LYAR: variants seen among roughly 807,000 people sequenced by gnomAD.
The protein encoded by LYAR is Ly1 antibody reactive.
In LYAR, 37 loss-of-function variants were observed where a neutral mutation model predicts 45.2. The ratio of observed to expected loss-of-function variants is 0.82; its 90% confidence interval spans 0.63 to 1.08. LYAR has a LOEUF of 1.08. Ranked by LOEUF, LYAR falls within the 50% of genes least tolerant of loss-of-function variation. The probability of loss-of-function intolerance (pLI) is 0.00; values close to 1 mark genes in which losing one functional copy is unlikely to be tolerated. For missense variants in LYAR, 493 were observed against 451.0 expected (o/e 1.09, Z -0.84); for synonymous variants, 176 against 155.1 (o/e 1.14, Z -1.00).
At chr4:4,287,659 G>C (rs1429454172) in intron 1 of LYAR, among the ~76,000 whole-genome samples, 3 of 152,206 alleles carry the variant, frequency 2.0e-5, no homozygotes, top group African/African-American at 7.2e-5. Flanking sequence ...GTAAGTGGCA[G>C]AGGTGGCCTG....
chr4:4,279,837 C>T lies in LYAR; in HGVS notation c.238-88G>A. 6.2e-6 allele frequency: 5 copies of T among 809,092 alleles called. No homozygotes were observed. The South Asian group carries it at 8.0e-5, about 13-fold the overall frequency. 50.1% of individuals were successfully genotyped at this position (809,092 alleles called of 1,614,324 possible). A position where few individuals can be genotyped will look rare whatever the true frequency, so the allele number is the denominator to read the frequency against. ...CCAATTGAAAAAGTCCTTGCCATGGCTAAAGCGTTCACGTTTTAAGCCCAG... is the reference window on the plus strand; with the variant it reads ...CCAATTGAAAAAGTCCTTGCCATGGTTAAAGCGTTCACGTTTTAAGCCCAG... On this transcript the variant is annotated intron_variant, in intron 4 of 9. Coordinates refer to ENST00000343470, the MANE Select transcript of LYAR (RefSeq NM_017816.3).
chr4:4,279,375 A>G (rs1053339850), intron 6 of LYAR, 72 bp downstream of exon 6: 1 of 1,071,966 alleles, frequency 9.3e-7, no homozygotes, highest in South Asian at 1.4e-5. Context: ...ACTTCCAAAA[A>G]TAAGAAATTC....
intron 2 of LYAR, among the ~76,000 whole-genome samples, chr4:4,285,121 G>C (rs1442114113): frequency 2.0e-5 from 3 of 152,148 alleles, no homozygotes; most frequent in Non-Finnish European, 4.4e-5. Flanking sequence ...CTTGCCCTGT[G>C]GGACACTATC....
At chr4:4,289,014 G>C (rs780429716) in intron 1 of LYAR, among the ~76,000 whole-genome samples, 5 of 152,090 alleles carry the variant, frequency 3.3e-5, no homozygotes, top group Admixed American at 6.5e-5. Context: ...CCCTTCCACG[G>C]GTAGCATTCT....
chr4:4,274,558 T>A lies in LYAR; in HGVS notation c.641A>T (p.Asn214Ile). 3 of 1,613,896 alleles carry A rather than the reference T, an allele frequency of 1.9e-6. No homozygotes were observed. Among genetic ancestry groups the A allele is most frequent in the Non-Finnish European group, 2.5e-6 (3 of 1,179,996 alleles). Residue 214 changes from asparagine to isoleucine, a missense_variant, in exon 7 of 10, where the codon AAC becomes ATC. Transcript: ENST00000343470. ...CTTCTTAGGCTTCTGATTCCTTGAG[T>A]TTTCCTGGTGGTTTTCTAACTTTAG... is the stretch of plus-strand genomic sequence containing the variant. ...KELKLENHQE[N>I]SRNQKPKKRK...
chr4:4,273,767 A>G, intron 7 of LYAR, 98 bp from the exon 8 acceptor site: 4 of 677,784 alleles, frequency 5.9e-6, no homozygotes, highest in Non-Finnish European at 7.7e-6. Flanking sequence ...AACTCCACGT[A>G]TCATCTCATT....
intron 2 of LYAR, among the ~76,000 whole-genome samples, chr4:4,284,790 T>C (rs572859222): frequency 1.3e-5 from 2 of 152,314 alleles, no homozygotes; most frequent in East Asian, 3.9e-4. Flanking sequence ...ACAGCAAAAA[T>C]ACTGAGAACT....
In LYAR at chr4:4,274,613, G is replaced by C. The variant is rs768597644; in HGVS notation, c.586C>G (p.Gln196Glu). The C allele has an allele frequency of 2.5e-6, 4 of 1,613,550 alleles. No homozygotes were observed. The African/African-American group carries it at 4.0e-5, about 16-fold the overall frequency. ...KNKRERKEER[Q>E]KKRKREKKEL... ...TTCTTTTCTCTTTTCCTTTTCTTCT[G>C]CCGTTCTTCCTTTCTTTCTCTTTTA... is the stretch of plus-strand genomic sequence containing the variant. Residue 196 changes from glutamine to glutamate, a missense_variant, in exon 7 of 10, where the codon CAG becomes GAG. Physicochemically the swap from Gln to Glu is conservative, Grantham distance 29. Transcript: ENST00000343470.
rs1560095390 is a variant in LYAR, at chr4:4,279,553, G to T, written c.346-23C>A. The T allele has an allele frequency of 6.3e-6, 10 of 1,584,654 alleles. No homozygotes were observed. The Admixed American group carries it at 8.4e-5, about 13-fold the overall frequency. ...ATTCTGTAAGAAAGAAAAAGAAAAA[G>T]AACTATTGATCCCACTTGGACAGGT... On this transcript the variant is annotated intron_variant, in intron 5 of 9. Coordinates refer to ENST00000343470, the MANE Select transcript of LYAR (RefSeq NM_017816.3).
chr4:4,283,757 C>G lies in LYAR; in HGVS notation c.-15G>C. On this transcript the variant is annotated 5_prime_UTR_variant, in exon 3 of 10. Transcript: ENST00000343470. ...AAAAATACCATTTTTAGGTAAATGGCTAAATATTCTCTATCCAAGACAGGT... is the reference window on the plus strand; with the variant it reads ...AAAAATACCATTTTTAGGTAAATGGGTAAATATTCTCTATCCAAGACAGGT... 6.2e-7 allele frequency: 1 copy of G among 1,602,118 alleles called. No individual in the cohort carries two copies.
At position 4,276,221 on chromosome 4, in the gene LYAR, C is replaced by T. The variant is rs186779106; in HGVS notation, c.430-1452G>A. On this transcript the variant is annotated intron_variant, in intron 6 of 9. Coordinates refer to ENST00000343470, the MANE Select transcript of LYAR (RefSeq NM_017816.3). ...ACCACTGAGCTGATGCACCTGCAGG[C>T]GGGGGTTCAAATTCCGTCTCTGTTA... is the stretch of plus-strand genomic sequence containing the variant. Among the ~76,000 whole-genome samples, 331 of 152,170 alleles carry T rather than the reference C, an allele frequency of 2.2e-3. 1 individual carries two copies. Among genetic ancestry groups the T allele is most frequent in the South Asian group, 0.021 (99 of 4,816 alleles).
chr4:4,284,249 T>C (rs769717598), intron 2 of LYAR, among the ~76,000 whole-genome samples: 1 of 152,196 alleles, frequency 6.6e-6, no homozygotes, highest in African/African-American at 2.4e-5. Context: ...TCTCTGTATA[T>C]GAAACTTATA....
At position 4,267,839 on chromosome 4, in the gene LYAR, TG is replaced by T. The variant is rs776627823; in HGVS notation, c.*49del. The T allele has an allele frequency of 1.4e-6, 2 of 1,461,588 alleles. No individual in the cohort carries two copies. The highest frequency in any genetic ancestry group is 1.8e-6 in the Non-Finnish European group (2 of 1,097,990). The allele number at this position is 1,461,588 out of a possible 1,614,324, so 90.5% of individuals were successfully genotyped here. A position where few individuals can be genotyped will look rare whatever the true frequency, so the allele number is the denominator to read the frequency against. ...TCATTACACATTTTATAAACAGCAGTGAAAGGAAGAAGTCAGCAGAATGGAT... is the reference window on the plus strand; with the variant it reads ...TCATTACACATTTTATAAACAGCAGTAAAGGAAGAAGTCAGCAGAATGGAT... On this transcript the variant is annotated 3_prime_UTR_variant, in exon 10 of 10. Transcript: ENST00000343470.
rs1577212918 is a variant in LYAR at position 4,274,726 on chromosome 4, A to G, written c.473T>C (p.Val158Ala). The change falls in exon 7 of 10, where the codon GTG becomes GCG. Residue 158 changes from valine (V) to alanine (A), a missense_variant. Physicochemically the swap from Val to Ala is moderately conservative, Grantham distance 64. Transcript: ENST00000343470. ...GGAGATTTCTGCATGTGGATTTGCC[A>G]CTGGGTGGAGTGGCCGTTGATCCTG... Reference protein sequence around the residue: ...KEQDQRPLHPVANPHAEISTK... With the variant: ...KEQDQRPLHPAANPHAEISTK... 1 of 1,612,506 alleles carries G rather than the reference A, an allele frequency of 6.2e-7. No homozygotes were observed.
At chr4:4,289,415 T>G (rs1577222859) in intron 1 of LYAR, among the ~76,000 whole-genome samples, 1 of 152,244 alleles carries the variant, frequency 6.6e-6, no homozygotes, top group South Asian at 2.1e-4. Flanking sequence ...AGACCCCACC[T>G]CATCCTCCTC....
At chr4:4,285,996 A>G (rs191847661) in intron 2 of LYAR, among the ~76,000 whole-genome samples, 39 of 152,376 alleles carry the variant, frequency 2.6e-4, no homozygotes, top group African/African-American at 8.9e-4. Context: ...GAAGGTGATT[A>G]GAATCTGGTT....
intron 2 of LYAR, 52 bp downstream of exon 2, chr4:4,286,467 T>C (rs144355188): frequency 1.3e-5 from 2 of 152,024 alleles, no homozygotes; most frequent in Non-Finnish European, 2.9e-5. Context: ...GTCCCTCTAA[T>C]GGAAGACAGC....
chr4:4,280,695 C>T (rs1719361098), intron 4 of LYAR, among the ~76,000 whole-genome samples: 1 of 152,160 alleles, frequency 6.6e-6, no homozygotes, highest in African/African-American at 2.4e-5. Context: ...AAAAGTGTGG[C>T]TGCTGGTCAC....
intron 7 of LYAR, among the ~76,000 whole-genome samples, chr4:4,274,048 C>T (rs62286951): frequency 0.042 from 6,441 of 152,238 alleles, 215 homozygotes; most frequent in East Asian, 0.17. Flanking sequence ...ACCAGCCAGG[C>T]TAACATGGCG....
Sources: gnomAD v4.1 joint callset for allele counts (sites outside exome capture counted in the v4.1 genomes callset) on GRCh38, gnomAD v4.1.1 for gene constraint, MANE v1.5 for transcripts, NCBI Gene and HGNC (gene_info 2026-07-23, HGNC 2026-07-21) for gene names.